GTF3C1: variants seen among roughly 807,000 people sequenced by gnomAD.
GTF3C1 encodes general transcription factor IIIC subunit 1.
GTF3C1 carries 57 observed loss-of-function variants against 226.7 expected under a neutral mutation model. The ratio of observed to expected loss-of-function variants is 0.25; its 90% confidence interval spans 0.20 to 0.31. GTF3C1 has a LOEUF of 0.31. Among genes scored for constraint, GTF3C1 ranks in the 10% least tolerant of loss-of-function variants. The pLI, the probability that GTF3C1 is intolerant of heterozygous loss-of-function variation, is 1.00. For synonymous variants in GTF3C1, 1,090 were observed against 1,084.8 expected, an observed-to-expected ratio of 1.00 and a Z score of -0.09; for missense variants, 2,217 against 2,776.1, an observed-to-expected ratio of 0.80 and a Z score of 4.53.
chr16:27,466,648 G>A (rs1181098705), intron 32 of GTF3C1, among the ~76,000 whole-genome samples: 1 of 152,224 alleles, frequency 6.6e-6, no homozygotes, highest in African/African-American at 2.4e-5. Context: ...CATGGTGACA[G>A]CCAATATAGA....
chr16:27,485,834 T>C (rs1399040191), intron 24 of GTF3C1, among the ~76,000 whole-genome samples, 163 bp downstream of exon 24: 1 of 152,206 alleles, frequency 6.6e-6, no homozygotes, highest in Non-Finnish European at 1.5e-5. Context: ...AGGCTCCATC[T>C]TTCTAAAAAA....
chr16:27,494,816 G>T lies in GTF3C1; in HGVS notation c.2725C>A (p.Leu909Ile), dbSNP rs745984598. ...AAGATGGAGAGGGGAAGGCAGAGGA[G>T]GATGTCGCTGACGAGAGCCCAGCCA... The part of the protein sequence containing the change: ...GFGWALVSDI[L>I]LCLPLSIFIQ... The change falls in exon 16 of 37, where the codon CTC becomes ATC. Residue 909 changes from leucine (L) to isoleucine (I), a missense_variant. By Grantham distance (5) the Leu-to-Ile change is conservative. This residue lies in a region of GTF3C1 where 353 missense variants were observed against 411.7 expected (regional missense o/e 0.86). Transcript: ENST00000356183. 4 of 1,612,356 alleles carry T rather than the reference G, an allele frequency of 2.5e-6. No individual in the cohort carries two copies. Among genetic ancestry groups the T allele is most frequent in the African/African-American group, 1.3e-5 (1 of 75,016 alleles).
intron 28 of GTF3C1, 62 bp from the exon 29 acceptor site, chr16:27,476,606 G>C: frequency 1.1e-6 from 1 of 922,358 alleles, no homozygotes; most frequent in Non-Finnish European, 1.7e-6. Context: ...TCAGGCAGAT[G>C]CAATTCTTAG....
rs991960222 is a variant in GTF3C1, at chr16:27,519,904, C to T, written c.974-8003G>A. 1.3e-5 allele frequency among the ~76,000 whole-genome samples: 2 copies of T among 152,054 alleles called. 1 individual carries two copies. The highest frequency in any genetic ancestry group is 4.1e-4 in the South Asian group (2 of 4,824). On this transcript the variant is annotated intron_variant, in intron 6 of 36. Coordinates refer to ENST00000356183, the MANE Select transcript of GTF3C1 (RefSeq NM_001520.4). ...GGAGGATCACTTGAGCCCAAGAGTTCGCGACTGGCATGGACAACAAGCAAG... is the reference window on the plus strand; with the variant it reads ...GGAGGATCACTTGAGCCCAAGAGTTTGCGACTGGCATGGACAACAAGCAAG...
At position 27,461,862 on chromosome 16, in the gene GTF3C1, G is replaced by C; in HGVS notation, c.6118-300C>G. On this transcript the variant is annotated intron_variant, in intron 36 of 36. Transcript: ENST00000356183. This position sits in a 1 kb window ranked among gnomAD's most constrained non-coding sequence, Gnocchi z 5.3. ...TAAATCCCAGCTTCCTGTGAGCCAA[G>C]ACTGGCTTCCAGGTGGGGTTTTGTT... 1 of 431,700 alleles carries C rather than the reference G, an allele frequency of 2.3e-6. No individual in the cohort carries two copies. The highest frequency in any genetic ancestry group is 4.2e-6 in the Non-Finnish European group (1 of 238,070). 26.7% of individuals were successfully genotyped at this position (431,700 alleles called of 1,614,324 possible).
At position 27,494,771 on chromosome 16, in the gene GTF3C1, T is replaced by G; in HGVS notation, c.2770A>C (p.Ser924Arg). Residue 924 changes from serine to arginine, a missense_variant, in exon 16 of 37, where the codon AGC becomes CGC. Coordinates refer to ENST00000356183, the MANE Select transcript of GTF3C1 (RefSeq NM_001520.4). ...GCTCCTGTCACCAATACCTTGTAGC[T>G]GACTTGCACAATCTGGATGAAGATG... ...LSIFIQIVQV[S>R]YKVDNLEEFL... is the part of the protein sequence containing the mutation. The G allele has an allele frequency of 6.2e-7, 1 of 1,612,644 alleles. No homozygotes were observed. The highest frequency in any genetic ancestry group is 8.5e-7 in the Non-Finnish European group (1 of 1,178,658).
intron 6 of GTF3C1, among the ~76,000 whole-genome samples, chr16:27,527,973 CA>C (rs34471997): frequency 0.25 from 31,386 of 127,430 alleles, 3,814 homozygotes; most frequent in African/African-American, 0.4. Flanking sequence ...GACCCTGTCT[CA>C]AAAAAAAAAA....
chr16:27,492,539 A>C lies in GTF3C1; in HGVS notation c.2974-24T>G. 1 of 1,598,254 alleles carries C rather than the reference A, an allele frequency of 6.3e-7. No homozygotes were observed. On this transcript the variant is annotated intron_variant, in intron 18 of 36. Coordinates refer to ENST00000356183, the MANE Select transcript of GTF3C1 (RefSeq NM_001520.4). This position sits in a 1 kb window ranked among gnomAD's most constrained non-coding sequence, Gnocchi z 5.0. ...ACCTAAGGGGAGACACCAGACAGGG[A>C]GAACCCACATTGGGTCTGGCTGCTT...
chr16:27,484,044 T>C (rs1474726972), intron 25 of GTF3C1, among the ~76,000 whole-genome samples, 167 bp downstream of exon 25: 1 of 152,180 alleles, frequency 6.6e-6, no homozygotes, highest in Non-Finnish European at 1.5e-5. Context: ...AGAATCATGC[T>C]TGGCCCTCAC....
At chr16:27,537,118 A>G (rs1459148749) in intron 4 of GTF3C1, among the ~76,000 whole-genome samples, 1 of 152,200 alleles carries the variant, frequency 6.6e-6, no homozygotes, top group Non-Finnish European at 1.5e-5. Flanking sequence ...TCTTGTCCAT[A>G]TAGGTTATTA....
intron 14 of GTF3C1, among the ~76,000 whole-genome samples, chr16:27,495,988 A>G (rs1206468243): frequency 6.6e-5 from 10 of 152,194 alleles, no homozygotes; most frequent in African/African-American, 1.2e-4. Flanking sequence ...TCCACATCTC[A>G]TGTTGGCATG....
In GTF3C1 at chr16:27,470,704, C is replaced by T. The variant is rs563144896; in HGVS notation, c.4527-309G>A. On this transcript the variant is annotated intron_variant, in intron 30 of 36. Coordinates refer to ENST00000356183, the MANE Select transcript of GTF3C1 (RefSeq NM_001520.4). The surrounding 1 kb of genome is among the most constrained non-coding windows in gnomAD (Gnocchi z 4.9). The stretch of plus-strand genomic sequence containing the variant: ...TCACCTTACAGGGGCTCACTGTACA[C>T]AGCTGCTGAACTAGGGATGGTGAAC... The T allele has an allele frequency of 3.5e-4, 132 of 373,194 alleles. 1 individual carries two copies. The highest frequency in any genetic ancestry group is 2.5e-3 in the African/African-American group (123 of 49,070). 23.1% of individuals were successfully genotyped at this position (373,194 alleles called of 1,614,324 possible). A position where few individuals can be genotyped will look rare whatever the true frequency, so the allele number is the denominator to read the frequency against.
At position 27,495,361 on chromosome 16, in the gene GTF3C1, C is replaced by T; in HGVS notation, c.2482G>A (p.Glu828Lys). 6.2e-7 allele frequency: 1 copy of T among 1,614,196 alleles called. No individual in the cohort carries two copies. ...NTVEKPSFIS[E>K]RRTIKQESGR... ...GACTCCTGCTTTATCGTTCTCCGTT[C>T]ACTGATGAAGCTTGGCTTCTCCACG... Residue 828 changes from glutamate (E) to lysine (K), a missense_variant, in exon 15 of 37, where the codon GAA becomes AAA. By Grantham distance (56) the Glu-to-Lys change is moderately conservative. Transcript: ENST00000356183.
chr16:27,485,968 GC>G, intron 24 of GTF3C1, 28 bp downstream of exon 24: 1 of 1,527,708 alleles, frequency 6.5e-7, no homozygotes, highest in Non-Finnish European at 8.9e-7. Context: ...TGAGGGGCAG[GC>G]CCACCGCTGG....
At chr16:27,496,749 C>T (rs910145507) in intron 14 of GTF3C1, among the ~76,000 whole-genome samples, 31 of 152,316 alleles carry the variant, frequency 2.0e-4, no homozygotes, top group African/African-American at 6.0e-4. Context: ...GATACAAATG[C>T]GCTGTTGCTT....
At chr16:27,527,509 T>A (rs1319212326) in intron 6 of GTF3C1, among the ~76,000 whole-genome samples, 2 of 152,206 alleles carry the variant, frequency 1.3e-5, no homozygotes, top group African/African-American at 4.8e-5. Flanking sequence ...AGTTTCATAG[T>A]ATGCTCCTTA....
At chr16:27,503,629 T>C (rs1567401255) in intron 10 of GTF3C1, among the ~76,000 whole-genome samples, 1 of 152,182 alleles carries the variant, frequency 6.6e-6, no homozygotes, top group Non-Finnish European at 1.5e-5. Context: ...TCCTCTTCTA[T>C]CCCCGCTAAA....
chr16:27,522,382 T>C (rs1313818766), intron 6 of GTF3C1, among the ~76,000 whole-genome samples: 1 of 152,226 alleles, frequency 6.6e-6, no homozygotes, highest in Non-Finnish European at 1.5e-5. Flanking sequence ...CCCCATCAAA[T>C]GGTCTTGGCA....
intron 14 of GTF3C1, among the ~76,000 whole-genome samples, chr16:27,496,874 C>T (rs1363368246): frequency 2.6e-5 from 4 of 152,216 alleles, no homozygotes; most frequent in Non-Finnish European, 5.9e-5. Context: ...CTGGTCCATT[C>T]GAGTGCAAAT....
Sources: allele counts gnomAD v4.1 joint callset (sites outside exome capture counted in the v4.1 genomes callset), GRCh38; gene constraint gnomAD v4.1.1; regional missense constraint gnomAD v4.1.1; non-coding constraint Gnocchi (gnomAD v3.1); transcripts MANE v1.5; gene names NCBI Gene and HGNC (gene_info 2026-07-23, HGNC 2026-07-21).